The following VOPP1 variants were observed in gnomAD, a reference collection of about 807,000 sequenced individuals.
The protein encoded by VOPP1 is VOPP1 WW domain binding protein, also known as WW domain binding protein VOPP1.
A neutral mutation model predicts 23.5 loss-of-function variants in VOPP1; 8 were observed. The ratio of observed to expected loss-of-function variants is 0.34; its 90% CI spans 0.20 to 0.61. VOPP1 has a LOEUF of 0.61. Ranked by LOEUF, VOPP1 falls within the 20% of genes least tolerant of loss-of-function variation. The probability of loss-of-function intolerance (pLI) is 0.78; values close to 1 mark genes in which losing one functional copy is unlikely to be tolerated. For missense variants in VOPP1, 174 were observed against 238.1 expected, an observed-to-expected ratio of 0.73 and a Z score of 1.77; for synonymous variants, 83 against 97.3, an observed-to-expected ratio of 0.85 and a Z score of 0.86.
At chr7:55,509,902 G>A (rs1302160798) in intron 2 of VOPP1, among the ~76,000 whole-genome samples, 1 of 151,986 alleles carries the variant, frequency 6.6e-6, no homozygotes, top group East Asian at 1.9e-4. Context: ...CATGCCCACC[G>A]CCTGTTCCTC....
chr7:55,552,095 T>TAGCCAGGTC (rs1462384414), intron 1 of VOPP1, among the ~76,000 whole-genome samples: 2 of 149,744 alleles, frequency 1.3e-5, no homozygotes, highest in East Asian at 3.9e-4. Flanking sequence ...GGAGCCAGGT[T>TAGCCAGGTC]AGCCAGGTCA....
At chr7:55,435,333 G>A (rs547815262), downstream of VOPP1, among the ~76,000 whole-genome samples, 1 of 152,328 alleles carries the variant, frequency 6.6e-6, no homozygotes, top group East Asian at 1.9e-4. Context: ...GGGCCAGCCG[G>A]GCTTCAAAGC....
In VOPP1 at chr7:55,550,823, G is replaced by A. The variant is rs370851809; in HGVS notation, c.54+21448C>T. ...TGGAAGGAAAACATGACCTATTTTCGTGTCTGTATATTTTTCTACTTTCCA... is the reference window on the plus strand; with the variant it reads ...TGGAAGGAAAACATGACCTATTTTCATGTCTGTATATTTTTCTACTTTCCA... On this transcript the variant is annotated intron_variant, in intron 1 of 4. Transcript: ENST00000285279. 1.1e-4 allele frequency among the ~76,000 whole-genome samples: 17 copies of A among 152,212 alleles called. No homozygotes were observed. In the East Asian group the frequency reaches 1.2e-3, roughly 10 times the overall value.
At chr7:55,538,261 G>C (rs756317785) in intron 1 of VOPP1, among the ~76,000 whole-genome samples, 2 of 152,130 alleles carry the variant, frequency 1.3e-5, no homozygotes, top group African/African-American at 4.8e-5. Context: ...TATGCAGTCC[G>C]CACTTAGGAA....
At chr7:55,445,240 C>CTG (rs1791069301) in intron 4 of VOPP1, among the ~76,000 whole-genome samples, 1 of 127,512 alleles carries the variant, frequency 7.8e-6, no homozygotes, top group African/African-American at 3.7e-5. Context: ...GACACACACA[C>CTG]ACAGACACAC....
intron 4 of VOPP1, among the ~76,000 whole-genome samples, chr7:55,448,206 T>C (rs1196118116): frequency 1.3e-5 from 2 of 152,058 alleles, no homozygotes; most frequent in Non-Finnish European, 2.9e-5. Context: ...ACGTAAAACA[T>C]AGTGACAAGC....
intron 1 of VOPP1, among the ~76,000 whole-genome samples, chr7:55,568,662 C>T (rs796129155): frequency 2.0e-5 from 3 of 152,312 alleles, no homozygotes; most frequent in Admixed American, 6.5e-5. Flanking sequence ...ACCAACCAAA[C>T]CTCTAGAAAG....
chr7:55,478,206 T>C (rs769405052), intron 4 of VOPP1, among the ~76,000 whole-genome samples: 1 of 152,170 alleles, frequency 6.6e-6, no homozygotes, highest in Non-Finnish European at 1.5e-5. Flanking sequence ...GGCAAAGACA[T>C]TCCCACAAAC....
chr7:55,478,681 G>A (rs1792457035), intron 4 of VOPP1, among the ~76,000 whole-genome samples: 1 of 152,224 alleles, frequency 6.6e-6, no homozygotes, highest in Admixed American at 6.5e-5. Context: ...TCTCAGTGCA[G>A]GAAGCATGGA....
At chr7:55,547,383 G>A (rs1464809) in intron 1 of VOPP1, among the ~76,000 whole-genome samples, 140,884 of 152,236 alleles carry the variant, frequency 0.93, 65,911 homozygotes, top group East Asian at 1. Flanking sequence ...GATGCCATAC[G>A]CACACCAAGG....
intron 2 of VOPP1, among the ~76,000 whole-genome samples, chr7:55,510,234 T>A (rs942358802): frequency 2.0e-5 from 3 of 152,228 alleles, no homozygotes; most frequent in African/African-American, 7.2e-5. Context: ...GTGATTAACT[T>A]CTTTTACATT....
chr7:55,562,629 T>C (rs1798026401), intron 1 of VOPP1, among the ~76,000 whole-genome samples: 1 of 152,086 alleles, frequency 6.6e-6, no homozygotes, highest in Admixed American at 6.5e-5. Context: ...GGATACAAAA[T>C]TGCTAAGAGG....
chr7:55,471,736 C>T lies in VOPP1; in HGVS notation c.*1119G>A, dbSNP rs950826104. 1 of 151,904 alleles carries T rather than the reference C, an allele frequency of 6.6e-6. No homozygotes were observed. Among genetic ancestry groups the T allele is most frequent in the Non-Finnish European group, 1.5e-5 (1 of 67,990 alleles). The allele number at this position is 151,904 out of a possible 1,614,324, so 9.4% of individuals were successfully genotyped here. A position where few individuals can be genotyped will look rare whatever the true frequency, so the allele number is the denominator to read the frequency against. On this transcript the variant is annotated 3_prime_UTR_variant, in exon 5 of 5. Coordinates refer to ENST00000285279, the MANE Select transcript of VOPP1 (RefSeq NM_030796.5). ...TTCTTCTTTATTCTAATTATGACAA[C>T]ATGGTCAGTGCAGTTGAGTCAGTAC...
intron 4 of VOPP1, among the ~76,000 whole-genome samples, chr7:55,459,615 A>G (rs1468475968): frequency 5.9e-5 from 9 of 152,158 alleles, no homozygotes; most frequent in African/African-American, 2.2e-4. Flanking sequence ...GTATGTGTCC[A>G]GGAATTTACC....
At position 55,444,380 on chromosome 7, in the gene VOPP1, C is replaced by T. The variant is rs149477404; in HGVS notation, n.418-8206G>A. On this transcript the variant is annotated intron_variant and non_coding_transcript_variant, in intron 4 of 4. Transcript: ENST00000462326. ...TGAGGAGACACTGCCCAACCCAGTA[C>T]ATTCTTCATGTGTGCCTGTTCACAT... Among the ~76,000 whole-genome samples the T allele has an allele frequency of 9.6e-3, 1,468 of 152,290 alleles. 20 individuals carry two copies. The highest frequency in any genetic ancestry group is 0.032 in the African/African-American group (1,331 of 41,552).
At position 55,492,424 on chromosome 7, in the gene VOPP1, G is replaced by A. The variant is rs752950822; in HGVS notation, c.192-6C>T. 2.5e-6 allele frequency: 4 copies of A among 1,609,230 alleles called. No homozygotes were observed. The East Asian group carries it at 6.7e-5, about 27-fold the overall frequency. ...CGCCCATCATCAGAAGGAACCTGAG[G>A]AGAGTACAGACGTGAGGGTGGTGCT... On this transcript the variant is annotated splice_polypyrimidine_tract_variant and splice_region_variant and intron_variant, in intron 3 of 4. Transcript: ENST00000285279.
intron 4 of VOPP1, among the ~76,000 whole-genome samples, chr7:55,482,663 A>C (rs1382670489): frequency 1.3e-5 from 2 of 151,708 alleles, no homozygotes; most frequent in Non-Finnish European, 2.9e-5. Flanking sequence ...AGTTAAAAAC[A>C]TGTGGGTATT....
At chr7:55,543,350 T>C (rs1051221041) in intron 1 of VOPP1, among the ~76,000 whole-genome samples, 4 of 152,234 alleles carry the variant, frequency 2.6e-5, no homozygotes, top group Non-Finnish European at 4.4e-5. Flanking sequence ...GTAACAAACA[T>C]GGGAGTACAA....
chr7:55,526,630 A>C (rs1483792272), intron 1 of VOPP1: 1 of 152,200 alleles, frequency 6.6e-6, no homozygotes, highest in Non-Finnish European at 1.5e-5. Context: ...CCTAAATTCC[A>C]CCTGTTCTGC....
Sources: gnomAD v4.1 joint callset for allele counts (sites outside exome capture counted in the v4.1 genomes callset) on GRCh38, gnomAD v4.1.1 for gene constraint, MANE v1.5 for transcripts, NCBI Gene and HGNC (gene_info 2026-07-23, HGNC 2026-07-21) for gene names.